PWWP2A: variants seen among roughly 807,000 people sequenced by gnomAD.
PWWP2A encodes the protein PWWP domain containing 2A.
Under a neutral mutation model 48.5 loss-of-function variants are expected in PWWP2A, and 18 were observed. The observed-to-expected ratio is 0.37, with a 90% CI of 0.26 to 0.55. PWWP2A has a LOEUF of 0.55. PWWP2A is among the 20% of genes least tolerant of loss of function. The pLI, the probability that PWWP2A is intolerant of heterozygous loss-of-function variation, is 0.81. For synonymous variants in PWWP2A, 396 were observed against 387.7 expected, an observed-to-expected ratio of 1.02 and a Z score of -0.25; for missense variants, 867 against 976.4, an observed-to-expected ratio of 0.89 and a Z score of 1.49.
At chr5:160,050,454 C>A in the PWWP2A span, among the ~76,000 whole-genome samples, 10 of 151,808 alleles carry the variant, frequency 6.6e-5, no homozygotes, top group African/African-American at 2.4e-4. Context: ...CTTAAAAAAA[C>A]AAAAAATACA....
At chr5:160,045,484 A>T in the PWWP2A span, among the ~76,000 whole-genome samples, 2 of 118,550 alleles carry the variant, frequency 1.7e-5, no homozygotes, top group African/African-American at 3.4e-5. Flanking sequence ...ACACACACAC[A>T]CACACACACA....
the PWWP2A span, among the ~76,000 whole-genome samples, chr5:160,052,561 A>AAAG: frequency 4.0e-5 from 6 of 151,366 alleles, no homozygotes; most frequent in Admixed American, 3.9e-4. Context: ...AAAAAAAAAA[A>AAAG]AAAAAAAAAA....
chr5:160,068,288 G>A (rs1022070954), intron 2 of PWWP2A, among the ~76,000 whole-genome samples: 17 of 152,096 alleles, frequency 1.1e-4, no homozygotes, highest in African/African-American at 3.1e-4. Context: ...TTCTTATTCC[G>A]ACAATATTGC....
chr5:160,118,908 C>G lies in PWWP2A; in HGVS notation c.481G>C (p.Glu161Gln). The change falls in exon 1 of 2, where the codon GAG becomes CAG. Residue 161 changes from glutamate (E) to glutamine (Q), a missense_variant. This residue lies in a region of PWWP2A where 385 missense variants were observed against 396.9 expected (regional missense o/e 0.97). Transcript: ENST00000307063. Reference protein sequence around the residue: ...STVSQLIPGSEVRVTLDHIIE... With the variant: ...STVSQLIPGSQVRVTLDHIIE... ...ATGTGGTCCAGCGTGACCCGCACCT[C>G]CGAGCCCGGGATCAGTTGCGACACC... The G allele has an allele frequency of 6.2e-7, 1 of 1,602,168 alleles. No individual in the cohort carries two copies. The highest frequency in any genetic ancestry group is 8.5e-7 in the Non-Finnish European group (1 of 1,175,258).
At chr5:160,086,630 C>T (rs180709588), downstream of PWWP2A, among the ~76,000 whole-genome samples, 3 of 152,018 alleles carry the variant, frequency 2.0e-5, no homozygotes, top group East Asian at 1.9e-4. Context: ...CAGTGGCTCA[C>T]GCCTATAATC....
chr5:160,049,972 G>A, the PWWP2A span, among the ~76,000 whole-genome samples: 2 of 152,062 alleles, frequency 1.3e-5, no homozygotes, highest in Admixed American at 1.3e-4. Context: ...CTAGCTACTC[G>A]GGAGGCAGGA....
At chr5:160,087,563 C>A (rs1754737471), downstream of PWWP2A, among the ~76,000 whole-genome samples, 1 of 152,142 alleles carries the variant, frequency 6.6e-6, no homozygotes, top group Non-Finnish European at 1.5e-5. Context: ...CCAACACCTT[C>A]TAGCAAGTGC....
chr5:160,111,465 G>T (rs1185652311), intron 1 of PWWP2A, among the ~76,000 whole-genome samples: 3 of 151,656 alleles, frequency 2.0e-5, no homozygotes, highest in African/African-American at 4.9e-5. Context: ...ACCGCGCCTG[G>T]CACTTTTTTT....
the PWWP2A span, among the ~76,000 whole-genome samples, chr5:160,049,305 G>A: frequency 6.6e-6 from 1 of 152,124 alleles, no homozygotes. Context: ...TTGAGGAGCT[G>A]CGACACAGAT....
chr5:160,106,334 T>C (rs374601303), intron 1 of PWWP2A, among the ~76,000 whole-genome samples: 1 of 152,182 alleles, frequency 6.6e-6, no homozygotes, highest in East Asian at 1.9e-4. Context: ...TGTCTATCTA[T>C]GAAATGGGGA....
chr5:160,080,640 AACAG>A (rs1274219820), intron 3 of PWWP2A: 2 of 1,529,626 alleles, frequency 1.3e-6, no homozygotes, highest in Non-Finnish European at 1.8e-6. Context: ...CAGGGCTTAA[AACAG>A]ACAGACCTGC....
At position 160,119,052 on chromosome 5, in the gene PWWP2A, G is replaced by T. The variant is rs768237511; in HGVS notation, c.337C>A (p.Leu113Ile). The part of the protein sequence containing the change: ...AAAAPQGGPE[L>I]PPSPASPPEQ... The stretch of plus-strand genomic sequence containing the variant: ...GGCGGCGATGCAGGAGAAGGTGGAA[G>T]TTCCGGCCCTCCCTGAGGCGCGGCT... The change falls in exon 1 of 2, where the codon CTT becomes ATT. Residue 113 changes from leucine (L) to isoleucine (I), a missense_variant. Transcript: ENST00000307063. 17 of 1,593,164 alleles carry T rather than the reference G, an allele frequency of 1.1e-5. No homozygotes were observed. The East Asian group carries it at 3.7e-4, about 35-fold the overall frequency.
At chr5:160,080,676 T>C in exon 3 of PWWP2A, 1 of 1,562,392 alleles carries the variant, frequency 6.4e-7, no homozygotes, top group Non-Finnish European at 8.7e-7. Context: ...TTAACTTCAA[T>C]GCTCCCAGTC....
downstream of PWWP2A, among the ~76,000 whole-genome samples, chr5:160,088,604 C>T (rs1417418608): frequency 6.6e-6 from 1 of 152,028 alleles, no homozygotes; most frequent in Non-Finnish European, 1.5e-5. Flanking sequence ...AGAAGAATAC[C>T]AAAACAAAAA....
intron 1 of PWWP2A, among the ~76,000 whole-genome samples, chr5:160,105,411 G>A (rs770447958): frequency 6.6e-5 from 10 of 151,708 alleles, no homozygotes; most frequent in Non-Finnish European, 8.8e-5. Flanking sequence ...GGAGGCACAC[G>A]CCTGTAGTCC....
At chr5:160,088,425 G>T (rs1446585494), downstream of PWWP2A, among the ~76,000 whole-genome samples, 2 of 152,110 alleles carry the variant, frequency 1.3e-5, no homozygotes, top group Non-Finnish European at 2.9e-5. Context: ...AAGAGACAGG[G>T]TTTAATAGAG....
At chr5:160,083,793 T>C (rs1018519116) in intron 2 of PWWP2A, among the ~76,000 whole-genome samples, 4 of 152,236 alleles carry the variant, frequency 2.6e-5, no homozygotes, top group African/African-American at 9.6e-5. Context: ...GCCCTGTGTT[T>C]GGCATAAGGG....
At chr5:160,082,550 G>A (rs1016814519) in intron 2 of PWWP2A, among the ~76,000 whole-genome samples, 4 of 152,182 alleles carry the variant, frequency 2.6e-5, no homozygotes, top group Non-Finnish European at 5.9e-5. Flanking sequence ...TTTAAGCAAG[G>A]AGAGTCAAGA....
In PWWP2A at chr5:160,104,350, G is replaced by C. The variant is rs561123963; in HGVS notation, c.585-10285C>G. On this transcript the variant is annotated intron_variant, in intron 1 of 1. Transcript: ENST00000307063. ...GGAGGCTGAGGTGAAAGGATCGCTT[G>C]AGCCCAGAAGGTTAAGCCTGAAGTG... 1.3e-3 allele frequency among the ~76,000 whole-genome samples: 195 copies of C among 151,470 alleles called. 1 individual carries two copies. Among genetic ancestry groups the C allele is most frequent in the African/African-American group, 4.6e-3 (188 of 41,282 alleles).
Sources: gnomAD v4.1 joint callset for allele counts (sites outside exome capture counted in the v4.1 genomes callset) on GRCh38, gnomAD v4.1.1 for gene constraint, gnomAD v4.1.1 regional missense constraint, MANE v1.5 for transcripts, NCBI Gene and HGNC (gene_info 2026-07-23, HGNC 2026-07-21) for gene names.